Variants in SORCS3 observed in about 807,000 individuals in gnomAD.
SORCS3 encodes the protein sortilin related VPS10 domain containing receptor 3, also known as VPS10 domain-containing receptor SorCS3.
Under a neutral mutation model 146.3 loss-of-function variants are expected in SORCS3, and 57 were observed. That is an observed-to-expected ratio of 0.39 (90% CI 0.31 to 0.49). The LOEUF (loss-of-function observed/expected upper bound fraction) is 0.49, where lower values mean the gene tolerates loss of function less well. Ranked by LOEUF, SORCS3 falls within the 20% of genes least tolerant of loss-of-function variation. The pLI is 0.92. For missense variants in SORCS3, 1,341 were observed against 1,575.5 expected (o/e 0.85, Z 2.52); for synonymous variants, 653 against 618.5 (o/e 1.06, Z -0.83).
chr10:104,725,933 C>T (rs1020511518), intron 1 of SORCS3, among the ~76,000 whole-genome samples: 7 of 152,226 alleles, frequency 4.6e-5, no homozygotes, highest in East Asian at 3.9e-4. Flanking sequence ...CCGGGTGAGG[C>T]GATGCCTCGC....
chr10:104,708,009 G>A lies in SORCS3; in HGVS notation c.627+66055G>A, dbSNP rs555789958. ...AGAAACTCAGTGCAATATCTCTCAAGGTATAAATAGAACAATGAAGTGTTG... is the reference window on the plus strand; with the variant it reads ...AGAAACTCAGTGCAATATCTCTCAAAGTATAAATAGAACAATGAAGTGTTG... On this transcript the variant is annotated intron_variant, in intron 1 of 26. Coordinates refer to ENST00000369701, the MANE Select transcript of SORCS3 (RefSeq NM_014978.3). Among the ~76,000 whole-genome samples the A allele has an allele frequency of 2.0e-5, 3 of 152,262 alleles. No homozygotes were observed. The South Asian group carries it at 6.2e-4, about 32-fold the overall frequency.
At chr10:104,748,305 T>G (rs1401971394) in intron 1 of SORCS3, among the ~76,000 whole-genome samples, 2 of 152,214 alleles carry the variant, frequency 1.3e-5, no homozygotes, top group Non-Finnish European at 2.9e-5. Flanking sequence ...ATTTTGGTTA[T>G]TTATATCAGC....
At chr10:105,006,696 A>G (rs748497609) in intron 4 of SORCS3, among the ~76,000 whole-genome samples, 1 of 152,198 alleles carries the variant, frequency 6.6e-6, no homozygotes, top group Non-Finnish European at 1.5e-5. Flanking sequence ...TCCAGTTGAC[A>G]AACACAGTCC....
intron 1 of SORCS3, among the ~76,000 whole-genome samples, chr10:104,800,457 C>A (rs1173967999): frequency 6.6e-6 from 1 of 152,088 alleles, no homozygotes; most frequent in East Asian, 1.9e-4. Flanking sequence ...CTAAGGGTGA[C>A]CCCTAATGTT....
At chr10:104,785,569 A>C (rs1251247835) in intron 1 of SORCS3, among the ~76,000 whole-genome samples, 2 of 72,878 alleles carry the variant, frequency 2.7e-5, no homozygotes, top group Non-Finnish European at 5.2e-5. Flanking sequence ...AACACCCAAG[A>C]ATTATCAATA....
rs1271998108 is a variant in SORCS3, at chr10:105,123,710, T to G, written c.1213-15687T>G. 4.6e-5 allele frequency among the ~76,000 whole-genome samples: 7 copies of G among 152,216 alleles called. No homozygotes were observed. In the East Asian group the frequency reaches 1.4e-3, roughly 29 times the overall value. On this transcript the variant is annotated intron_variant, in intron 7 of 26. Coordinates refer to ENST00000369701, the MANE Select transcript of SORCS3 (RefSeq NM_014978.3). ...TGGTAATTACCCACTATGATAAATC[T>G]ATGAAGAAATAAACATAATTGTGAG...
intron 2 of SORCS3, among the ~76,000 whole-genome samples, chr10:104,851,250 C>G (rs2018271343): frequency 6.6e-6 from 1 of 151,910 alleles, no homozygotes; most frequent in Non-Finnish European, 1.5e-5. Context: ...CTTTTTTCTT[C>G]CACTAGGCAG....
intron 6 of SORCS3, among the ~76,000 whole-genome samples, chr10:105,090,885 G>A (rs556733829): frequency 9.2e-4 from 140 of 152,306 alleles, no homozygotes; most frequent in African/African-American, 3.2e-3. Flanking sequence ...TTGTGGTATC[G>A]TTCAGAGTTT....
intron 1 of SORCS3, among the ~76,000 whole-genome samples, chr10:104,824,582 T>C (rs932204039): frequency 7.2e-5 from 11 of 152,302 alleles, no homozygotes; most frequent in African/African-American, 2.2e-4. Flanking sequence ...TTTACAGCAG[T>C]GGTGCTGAAC....
intron 1 of SORCS3, among the ~76,000 whole-genome samples, chr10:104,788,695 A>C (rs919092910): frequency 6.6e-6 from 1 of 152,218 alleles, no homozygotes; most frequent in African/African-American, 2.4e-5. Context: ...TTCAGATCTA[A>C]TAGTGGCTAG....
At chr10:104,805,322 C>T (rs747557301) in intron 1 of SORCS3, among the ~76,000 whole-genome samples, 1 of 152,142 alleles carries the variant, frequency 6.6e-6, no homozygotes, top group South Asian at 2.1e-4. Context: ...AATAGCTTGA[C>T]TAATTTTGAG....
At chr10:104,979,372 C>T (rs1171411369) in intron 4 of SORCS3, among the ~76,000 whole-genome samples, 1 of 152,194 alleles carries the variant, frequency 6.6e-6, no homozygotes, top group Non-Finnish European at 1.5e-5. Context: ...TACTACAGTG[C>T]TTGATGCCAA....
At chr10:104,712,287 C>G (rs2016427687) in intron 1 of SORCS3, among the ~76,000 whole-genome samples, 1 of 152,176 alleles carries the variant, frequency 6.6e-6, no homozygotes, top group South Asian at 2.1e-4. Flanking sequence ...AAGTAACTGC[C>G]AGAGCCCAAT....
At chr10:105,032,055 G>T (rs1193122196) in intron 4 of SORCS3, among the ~76,000 whole-genome samples, 3 of 152,084 alleles carry the variant, frequency 2.0e-5, no homozygotes, top group African/African-American at 7.2e-5. Flanking sequence ...AGCCAGGTGT[G>T]GTAGCAGGCT....
chr10:104,692,712 G>A (rs191070312), intron 1 of SORCS3, among the ~76,000 whole-genome samples: 1 of 152,298 alleles, frequency 6.6e-6, no homozygotes, highest in African/African-American at 2.4e-5. Context: ...TAAATATTTG[G>A]CAGTAGGGCT....
intron 5 of SORCS3, among the ~76,000 whole-genome samples, chr10:105,057,803 T>G (rs2055455585): frequency 6.6e-6 from 1 of 152,212 alleles, no homozygotes; most frequent in Non-Finnish European, 1.5e-5. Context: ...CTTCTTCCTG[T>G]ATACATGTCT....
chr10:104,893,086 C>A (rs1310912960), intron 2 of SORCS3, among the ~76,000 whole-genome samples: 1 of 152,084 alleles, frequency 6.6e-6, no homozygotes, highest in African/African-American at 2.4e-5. Context: ...TTCCATTGTG[C>A]GTCATAGTTT....
intron 1 of SORCS3, among the ~76,000 whole-genome samples, chr10:104,669,779 T>C (rs1312258292): frequency 2.0e-5 from 3 of 152,176 alleles, no homozygotes; most frequent in Admixed American, 2.0e-4. Context: ...AATTGCTATA[T>C]TATATTGTAG....
intron 5 of SORCS3, among the ~76,000 whole-genome samples, chr10:105,059,231 C>T (rs1208028807): frequency 6.6e-6 from 1 of 152,140 alleles, no homozygotes; most frequent in Non-Finnish European, 1.5e-5. Context: ...CTCCACCGTG[C>T]TTGAAATACA....
Sources: gnomAD v4.1 joint callset for allele counts (sites outside exome capture counted in the v4.1 genomes callset) on GRCh38, gnomAD v4.1.1 for gene constraint, MANE v1.5 for transcripts, NCBI Gene and HGNC (gene_info 2026-07-23, HGNC 2026-07-21) for gene names.